ERC1: variants seen among roughly 807,000 people sequenced by gnomAD.
ERC1 encodes the protein RAB6 interacting protein 2.
In ERC1, 56 loss-of-function variants were observed where a neutral mutation model predicts 132.0. The ratio of observed to expected loss-of-function variants is 0.42; its 90% CI spans 0.34 to 0.53. The LOEUF (loss-of-function observed/expected upper bound fraction) is 0.53, where lower values mean the gene tolerates loss of function less well. Among genes scored for constraint, ERC1 ranks in the 20% least tolerant of loss-of-function variants. The probability of loss-of-function intolerance (pLI) is 0.03; values close to 1 mark genes in which losing one functional copy is unlikely to be tolerated. For missense variants in ERC1, 1,202 were observed against 1,349.9 expected (o/e 0.89, Z 1.72); for synonymous variants, 478 against 476.1 (o/e 1.00, Z -0.05).
At chr12:1,357,051 A>G (rs2085609435) in intron 15 of ERC1, among the ~76,000 whole-genome samples, 1 of 152,140 alleles carries the variant, frequency 6.6e-6, no homozygotes, top group Admixed American at 6.5e-5. Flanking sequence ...ATGCACTCAT[A>G]TATATCCCTG....
At chr12:1,372,000 G>A in intron 16 of ERC1, 23 bp downstream of exon 16, 1 of 1,611,056 alleles carries the variant, frequency 6.2e-7, no homozygotes, top group African/African-American at 1.3e-5. Context: ...GCCAGCAGGA[G>A]GGTCAGTGGG....
At chr12:1,256,843 A>T (rs892548846) in intron 13 of ERC1, among the ~76,000 whole-genome samples, 2 of 150,640 alleles carry the variant, frequency 1.3e-5, no homozygotes, top group African/African-American at 4.9e-5. Context: ...TGTTTTTATA[A>T]TTGAGGTCCT....
chr12:1,349,564 T>C (rs1490379991), intron 15 of ERC1, among the ~76,000 whole-genome samples: 2 of 150,144 alleles, frequency 1.3e-5, no homozygotes, highest in African/African-American at 4.9e-5. Context: ...CTCGGGAGGC[T>C]GAGGCAGGTG....
chr12:1,154,507 A>G (rs1196479231), intron 8 of ERC1, among the ~76,000 whole-genome samples: 1 of 152,100 alleles, frequency 6.6e-6, no homozygotes, highest in Non-Finnish European at 1.5e-5. Flanking sequence ...GCTCAGGCGA[A>G]GGATTTATGA....
At chr12:1,405,894 T>TA (rs1472657538) in intron 16 of ERC1, among the ~76,000 whole-genome samples, 7 of 151,734 alleles carry the variant, frequency 4.6e-5, no homozygotes, top group African/African-American at 7.3e-5. Context: ...CTAAAGTTTC[T>TA]AAAAAAAATA....
At chr12:1,210,596 A>G (rs1957771065) in intron 12 of ERC1, among the ~76,000 whole-genome samples, 1 of 152,142 alleles carries the variant, frequency 6.6e-6, no homozygotes, top group African/African-American at 2.4e-5. Context: ...ATGTGTGTTT[A>G]ATTTTTCTTT....
intron 2 of ERC1, 132 bp downstream of exon 2, chr12:1,028,704 T>G (rs1385353162): frequency 1.3e-6 from 1 of 795,630 alleles, no homozygotes; most frequent in African/African-American, 1.7e-5. Flanking sequence ...TTTTACTGTT[T>G]TGTGTCCTCC....
At position 1,418,297 on chromosome 12, in the gene ERC1, CT is replaced by C. The variant is rs138794465; in HGVS notation, c.3024+10052del. 4.3e-3 allele frequency among the ~76,000 whole-genome samples: 655 copies of C among 152,326 alleles called. 9 individuals carry two copies. Among genetic ancestry groups the C allele is most frequent in the African/African-American group, 0.015 (620 of 41,582 alleles). On this transcript the variant is annotated intron_variant, in intron 17 of 18. Coordinates refer to ENST00000360905, the MANE Select transcript of ERC1 (RefSeq NM_178040.4). ...AGGTCTCTCTGACCTTCTCCTCACCCTTCTTGCCTGAAGCAAGCTATAAAGA... is the reference window on the plus strand; with the variant it reads ...AGGTCTCTCTGACCTTCTCCTCACCCTCTTGCCTGAAGCAAGCTATAAAGA...
At chr12:1,120,621 TCAGGATGAATTCTCAATGTGCAGAG>T (rs1009028424) in intron 7 of ERC1, among the ~76,000 whole-genome samples, 9 of 152,188 alleles carry the variant, frequency 5.9e-5, no homozygotes, top group African/African-American at 2.2e-4. Context: ...AAATGTATTT[TCAGGATGAATTCTCAATGTGCAGAG>T]CAGAGCTGAT....
chr12:1,287,404 C>T (rs2079106933), intron 14 of ERC1, among the ~76,000 whole-genome samples: 1 of 152,154 alleles, frequency 6.6e-6, no homozygotes, highest in Admixed American at 6.5e-5. Context: ...ACGGGGTGCC[C>T]GGATACTTGC....
chr12:1,300,505 A>G (rs2080304961), intron 15 of ERC1, among the ~76,000 whole-genome samples: 1 of 152,214 alleles, frequency 6.6e-6, no homozygotes, highest in Non-Finnish European at 1.5e-5. Flanking sequence ...AGAAACTACC[A>G]AGAGAGTAAA....
In ERC1 at chr12:1,065,601, G is replaced by C. The variant is rs556733038; in HGVS notation, c.670-17563G>C. 2.9e-4 allele frequency among the ~76,000 whole-genome samples: 44 copies of C among 150,084 alleles called. 1 individual carries two copies. The highest frequency in any genetic ancestry group is 9.3e-4 in the African/African-American group (38 of 40,838). The stretch of plus-strand genomic sequence containing the variant: ...TCAGAGATTTCTTTTTTTGGGGCGG[G>C]GGGGGACGGATTTCTTCCTAGAGAA... On this transcript the variant is annotated intron_variant, in intron 2 of 18. Coordinates refer to ENST00000360905, the MANE Select transcript of ERC1 (RefSeq NM_178040.4).
intron 1 of ERC1, among the ~76,000 whole-genome samples, chr12:1,010,058 T>G (rs1278362172): frequency 6.6e-6 from 1 of 152,232 alleles, no homozygotes. Context: ...CTGCAGAATT[T>G]GAGTCTGTAA....
intron 16 of ERC1, among the ~76,000 whole-genome samples, chr12:1,395,450 A>G (rs2090451050): frequency 7.3e-6 from 1 of 136,682 alleles, no homozygotes; most frequent in African/African-American, 2.8e-5. Context: ...ATGTGTTTTT[A>G]TCCTTGTGTT....
chr12:1,165,275 G>A lies in ERC1; in HGVS notation c.1738-15265G>A, dbSNP rs531448211. ...ACAAGACTGCCTTTTAGAAGATAGA[G>A]GTGTGTATAGATGATACACAGAATG... On this transcript the variant is annotated intron_variant, in intron 8 of 18. Coordinates refer to ENST00000360905, the MANE Select transcript of ERC1 (RefSeq NM_178040.4). Among the ~76,000 whole-genome samples the A allele has an allele frequency of 3.9e-5, 6 of 152,118 alleles. No homozygotes were observed. The South Asian group carries it at 1.2e-3, about 32-fold the overall frequency.
chr12:1,294,619 T>G (rs2079771946), intron 15 of ERC1, among the ~76,000 whole-genome samples: 1 of 152,212 alleles, frequency 6.6e-6, no homozygotes, highest in Admixed American at 6.5e-5. Context: ...ATCTTTTCTT[T>G]TTTTCTCTGT....
chr12:1,059,991 A>G (rs1973695479), intron 2 of ERC1, among the ~76,000 whole-genome samples: 1 of 152,156 alleles, frequency 6.6e-6, no homozygotes, highest in African/African-American at 2.4e-5. Context: ...GAGACTTTTT[A>G]TTAAAATTGA....
chr12:1,039,544 A>G (rs1021146350), intron 2 of ERC1, among the ~76,000 whole-genome samples: 2 of 151,636 alleles, frequency 1.3e-5, no homozygotes, highest in African/African-American at 2.4e-5. Flanking sequence ...AAAAAGAAAG[A>G]AAAGAAATAT....
At chr12:1,303,730 G>A (rs1472011578) in intron 15 of ERC1, among the ~76,000 whole-genome samples, 1 of 152,002 alleles carries the variant, frequency 6.6e-6, no homozygotes, top group East Asian at 1.9e-4. Flanking sequence ...CCAAGGCGGG[G>A]CATCACCTGA....
Sources: allele counts gnomAD v4.1 joint callset (sites outside exome capture counted in the v4.1 genomes callset), GRCh38; gene constraint gnomAD v4.1.1; transcripts MANE v1.5; gene names NCBI Gene and HGNC (gene_info 2026-07-23, HGNC 2026-07-21).